The following ITFG1 variants were observed in gnomAD, a reference collection of about 807,000 sequenced individuals.
ITFG1 encodes T-cell immunomodulatory protein.
ITFG1 carries 34 observed loss-of-function variants against 81.8 expected under a neutral mutation model. That is an observed-to-expected ratio of 0.42 (90% CI 0.32 to 0.55). The LOEUF is 0.55. Among genes scored for constraint, ITFG1 ranks in the 20% least tolerant of loss-of-function variants. ITFG1 has a pLI of 0.17. For missense variants in ITFG1, 672 were observed against 755.4 expected (o/e 0.89, Z 1.29); for synonymous variants, 285 against 270.6 (o/e 1.05, Z -0.52).
intron 12 of ITFG1, among the ~76,000 whole-genome samples, chr16:47,246,861 G>A (rs1251432200): frequency 3.3e-5 from 5 of 152,096 alleles, no homozygotes; most frequent in African/African-American, 1.2e-4. Flanking sequence ...GAAATGCAGT[G>A]GCACCATCTT....
chr16:47,320,831 A>G (rs1967437648), intron 8 of ITFG1, among the ~76,000 whole-genome samples: 1 of 152,238 alleles, frequency 6.6e-6, no homozygotes, highest in South Asian at 2.1e-4. Flanking sequence ...CTGGAAGGAC[A>G]GAAGTACTTT....
At chr16:47,183,640 T>C (rs1965165297) in intron 14 of ITFG1, among the ~76,000 whole-genome samples, 1 of 152,010 alleles carries the variant, frequency 6.6e-6, no homozygotes, top group Non-Finnish European at 1.5e-5. Context: ...CATCTGTACA[T>C]CACCATCATC....
chr16:47,335,607 C>A (rs1248892128), intron 8 of ITFG1, among the ~76,000 whole-genome samples: 2 of 151,870 alleles, frequency 1.3e-5, no homozygotes, highest in African/African-American at 4.8e-5. Context: ...CTACAAATGG[C>A]AAATAAACTT....
intron 12 of ITFG1, among the ~76,000 whole-genome samples, chr16:47,239,207 T>C (rs1011678496): frequency 1.3e-5 from 2 of 152,116 alleles, no homozygotes; most frequent in Non-Finnish European, 2.9e-5. Context: ...AAGGTTTTTT[T>C]TTTTTTCTTT....
At chr16:47,401,930 G>A (rs906898843) in intron 6 of ITFG1, among the ~76,000 whole-genome samples, 3 of 151,840 alleles carry the variant, frequency 2.0e-5, no homozygotes, top group African/African-American at 7.3e-5. Context: ...CTCTAAAGCC[G>A]ATCCTCCTTG....
intron 6 of ITFG1, among the ~76,000 whole-genome samples, chr16:47,399,611 C>T (rs761867803): frequency 6.6e-6 from 1 of 152,072 alleles, no homozygotes; most frequent in African/African-American, 2.4e-5. Flanking sequence ...ACATTCTTTC[C>T]CATCTGTTAT....
intron 14 of ITFG1, among the ~76,000 whole-genome samples, chr16:47,188,041 T>C (rs1432363087): frequency 5.3e-5 from 8 of 151,892 alleles, no homozygotes; most frequent in Non-Finnish European, 1.0e-4. Flanking sequence ...ATCAGAGAAA[T>C]GCAAATCAAA....
At chr16:47,339,986 C>T (rs1248719299) in intron 8 of ITFG1, among the ~76,000 whole-genome samples, 1 of 151,944 alleles carries the variant, frequency 6.6e-6, no homozygotes, top group Non-Finnish European at 1.5e-5. Context: ...ACCAATTCAT[C>T]ATGAAAAAGG....
At chr16:47,400,505 T>G (rs1218215822) in intron 6 of ITFG1, among the ~76,000 whole-genome samples, 1 of 149,664 alleles carries the variant, frequency 6.7e-6, no homozygotes, top group East Asian at 2.0e-4. Context: ...GACACCAGCA[T>G]TGTGTCAGGA....
intron 10 of ITFG1, among the ~76,000 whole-genome samples, chr16:47,291,455 G>A (rs971896747): frequency 2.6e-5 from 4 of 151,930 alleles, no homozygotes; most frequent in Non-Finnish European, 4.4e-5. Context: ...GGAGACCTTT[G>A]AGATTCCTGA....
chr16:47,409,448 C>T (rs1246579472), intron 6 of ITFG1, among the ~76,000 whole-genome samples: 4 of 97,474 alleles, frequency 4.1e-5, no homozygotes, highest in Non-Finnish European at 7.4e-5. Context: ...CAGAGTCTCA[C>T]TCTGTCCCCC....
At chr16:47,383,243 C>A (rs1248130339) in intron 6 of ITFG1, among the ~76,000 whole-genome samples, 1 of 152,084 alleles carries the variant, frequency 6.6e-6, no homozygotes, top group Non-Finnish European at 1.5e-5. Context: ...AGAACAGGAC[C>A]CTGGCATCAA....
At chr16:47,416,514 T>C (rs1968877515) in intron 6 of ITFG1, among the ~76,000 whole-genome samples, 1 of 152,190 alleles carries the variant, frequency 6.6e-6, no homozygotes, top group Non-Finnish European at 1.5e-5. Flanking sequence ...AAATCTCATG[T>C]TAAAATCTGA....
At chr16:47,337,738 G>C (rs938925571) in intron 8 of ITFG1, among the ~76,000 whole-genome samples, 2 of 152,252 alleles carry the variant, frequency 1.3e-5, no homozygotes, top group Admixed American at 1.3e-4. Context: ...GTGAGATGCA[G>C]TGGGGGAGGG....
chr16:47,247,420 GCTACTA>G (rs1966014453), intron 12 of ITFG1, among the ~76,000 whole-genome samples: 1 of 152,110 alleles, frequency 6.6e-6, no homozygotes, highest in African/African-American at 2.4e-5. Context: ...TTAATAATCT[GCTACTA>G]CAGAAACTAA....
intron 14 of ITFG1, among the ~76,000 whole-genome samples, chr16:47,208,193 G>A (rs972567005): frequency 1.3e-5 from 2 of 152,286 alleles, no homozygotes. Flanking sequence ...AGAACCTGGA[G>A]CCAGGCTGCC....
chr16:47,263,159 C>T (rs1966231321), intron 10 of ITFG1: 1 of 297,782 alleles, frequency 3.4e-6, no homozygotes, highest in Non-Finnish European at 6.9e-6. Context: ...AGGCATGGGG[C>T]TGTCCATAGG....
chr16:47,398,823 A>G (rs966782890), intron 6 of ITFG1, among the ~76,000 whole-genome samples: 13 of 152,222 alleles, frequency 8.5e-5, no homozygotes, highest in Admixed American at 2.0e-4. Flanking sequence ...TACTATTTCA[A>G]TGGCACTTTG....
chr16:47,210,563 CT>C (rs1965550228), intron 14 of ITFG1, among the ~76,000 whole-genome samples: 1 of 152,150 alleles, frequency 6.6e-6, no homozygotes, highest in South Asian at 2.1e-4. Context: ...ATGGATCTTG[CT>C]TTTGGTGTAA....
Sources: allele counts gnomAD v4.1 joint callset (sites outside exome capture counted in the v4.1 genomes callset), GRCh38; gene constraint gnomAD v4.1.1; transcripts MANE v1.5; gene names NCBI Gene and HGNC (gene_info 2026-07-23, HGNC 2026-07-21).